Variants in ZNF385D observed in about 807,000 individuals in gnomAD.
ZNF385D encodes zinc finger protein 385D.
Under a neutral mutation model 35.8 loss-of-function variants are expected in ZNF385D, and 15 were observed. The observed-to-expected ratio is 0.42, with a 90% CI of 0.28 to 0.64. ZNF385D has a LOEUF of 0.64. Ranked by LOEUF, ZNF385D falls within the 30% of genes least tolerant of loss-of-function variation. ZNF385D has a pLI of 0.23. For synonymous variants in ZNF385D, 212 were observed against 186.8 expected (o/e 1.13, Z -1.10); for missense variants, 474 against 494.6 (o/e 0.96, Z 0.39).
At chr3:21,499,292 G>A (rs1039849538) in intron 4 of ZNF385D, among the ~76,000 whole-genome samples, 7 of 152,150 alleles carry the variant, frequency 4.6e-5, no homozygotes, top group Admixed American at 2.0e-4. Context: ...GGAATACTAT[G>A]TAAACATTAA....
At chr3:21,905,926 G>A (rs1049508398) in intron 3 of ZNF385D, among the ~76,000 whole-genome samples, 6 of 152,078 alleles carry the variant, frequency 3.9e-5, no homozygotes, top group Non-Finnish European at 7.4e-5. Context: ...AGATTAAAAA[G>A]ACTGAACCAT....
At chr3:21,494,365 TA>T (rs1705661930) in intron 4 of ZNF385D, among the ~76,000 whole-genome samples, 1 of 152,174 alleles carries the variant, frequency 6.6e-6, no homozygotes, top group Admixed American at 6.6e-5. Context: ...GAATAGTATT[TA>T]CACCAAAATC....
intron 3 of ZNF385D, among the ~76,000 whole-genome samples, chr3:21,959,585 T>A (rs1174896144): frequency 6.6e-6 from 1 of 152,162 alleles, no homozygotes; most frequent in Admixed American, 6.6e-5. Context: ...TGTACTCAGA[T>A]GTACTCAGAA....
chr3:21,860,100 G>T (rs1325197972), intron 3 of ZNF385D, among the ~76,000 whole-genome samples: 1 of 152,074 alleles, frequency 6.6e-6, no homozygotes, highest in Non-Finnish European at 1.5e-5. Context: ...AAATTAGGAT[G>T]AATGTTGAAA....
At chr3:21,961,100 TGAG>T (rs529874672) in intron 3 of ZNF385D, among the ~76,000 whole-genome samples, 14 of 152,168 alleles carry the variant, frequency 9.2e-5, no homozygotes, top group African/African-American at 2.4e-4. Flanking sequence ...AAATAATAAA[TGAG>T]GAGACACGTG....
In ZNF385D at chr3:21,741,494, G is replaced by C. The variant is rs139406823; in HGVS notation, c.22+9401C>G. On this transcript the variant is annotated intron_variant, in intron 1 of 7. Coordinates refer to ENST00000281523, the MANE Select transcript of ZNF385D (RefSeq NM_024697.3). ...GACTTCCTTATTGTGTGCTGCAAGG[G>C]AAACACTTCCCAGCAGTTACCATGG... Among the ~76,000 whole-genome samples the C allele has an allele frequency of 8.5e-4, 130 of 152,244 alleles. 3 individuals carry two copies. The highest frequency in any genetic ancestry group is 3.1e-3 in the African/African-American group (128 of 41,550).
intron 3 of ZNF385D, among the ~76,000 whole-genome samples, chr3:21,930,225 C>G (rs1700933100): frequency 6.7e-6 from 1 of 150,200 alleles, no homozygotes; most frequent in African/African-American, 2.4e-5. Context: ...GATGCTTGAA[C>G]TATAGGGTAT....
intron 3 of ZNF385D, among the ~76,000 whole-genome samples, chr3:22,087,604 G>C (rs1402012821): frequency 6.6e-6 from 1 of 152,112 alleles, no homozygotes; most frequent in Non-Finnish European, 1.5e-5. Context: ...CAACAGGATA[G>C]GAACCTGAAT....
chr3:22,187,789 G>A (rs9682433), intron 2 of ZNF385D, among the ~76,000 whole-genome samples: 78,055 of 151,954 alleles, frequency 0.51, 20,402 homozygotes, highest in Middle Eastern at 0.62. Context: ...GACAGCGATG[G>A]TAGCTGTCCA....
chr3:22,132,114 T>C lies in ZNF385D; in HGVS notation c.325+36703A>G, dbSNP rs139961157. Among the ~76,000 whole-genome samples the C allele has an allele frequency of 1.8e-3, 267 of 152,256 alleles. 1 individual carries two copies. The highest frequency in any genetic ancestry group is 6.2e-3 in the African/African-American group (259 of 41,564). ...AAGTGATTATAGTGGTGCTATGGTC[T>C]GAATATTAGTGTCCATGTCATATTC... On this transcript the variant is annotated intron_variant, in intron 3 of 5. Coordinates refer to the ZNF385D transcript ENST00000494108.
intron 2 of ZNF385D, among the ~76,000 whole-genome samples, chr3:22,298,544 T>G (rs1702731015): frequency 7.0e-6 from 1 of 142,006 alleles, no homozygotes; most frequent in African/African-American, 2.6e-5. Context: ...ATAAAACATT[T>G]ATGTATATAC....
At chr3:22,033,316 A>C (rs259447) in intron 3 of ZNF385D, among the ~76,000 whole-genome samples, 121,947 of 151,294 alleles carry the variant, frequency 0.81, 49,958 homozygotes, top group African/African-American at 0.95. Flanking sequence ...GCATGAGAAT[A>C]ACTTGAACCC....
chr3:21,809,655 TACATATATAC>T (rs920211781), intron 3 of ZNF385D, among the ~76,000 whole-genome samples: 1 of 103,590 alleles, frequency 9.7e-6, no homozygotes, highest in Non-Finnish European at 2.0e-5. Context: ...CATATACATA[TACATATATAC>T]ACATATATAC....
At chr3:21,861,992 T>A (rs1697078808) in intron 3 of ZNF385D, among the ~76,000 whole-genome samples, 1 of 152,098 alleles carries the variant, frequency 6.6e-6, no homozygotes, top group Admixed American at 6.6e-5. Flanking sequence ...AAGTGAGCCC[T>A]AACACTAACG....
intron 1 of ZNF385D, among the ~76,000 whole-genome samples, chr3:21,710,073 C>T (rs1384641298): frequency 2.6e-5 from 4 of 152,124 alleles, no homozygotes; most frequent in Non-Finnish European, 5.9e-5. Context: ...TTCAATTACA[C>T]GACCTTTTAG....
intron 3 of ZNF385D, among the ~76,000 whole-genome samples, chr3:21,960,358 G>A (rs1702520083): frequency 6.6e-6 from 1 of 151,994 alleles, no homozygotes; most frequent in South Asian, 2.1e-4. Flanking sequence ...CTAATCATCG[G>A]GGAAATACAA....
intron 2 of ZNF385D, among the ~76,000 whole-genome samples, chr3:21,567,654 C>T (rs891569402): frequency 9.9e-5 from 15 of 152,036 alleles, no homozygotes; most frequent in Non-Finnish European, 2.2e-4. Context: ...TGTGCACAAA[C>T]GGGATGTGTT....
At chr3:21,569,671 A>T (rs1246814290) in intron 2 of ZNF385D, among the ~76,000 whole-genome samples, 2 of 151,268 alleles carry the variant, frequency 1.3e-5, no homozygotes, top group African/African-American at 4.9e-5. Flanking sequence ...TGGTCTTTAC[A>T]TTTTGGCATG....
rs193011528 is a variant in ZNF385D at position 22,161,807 on chromosome 3, A to G, written c.325+7010T>C. 6.0e-4 allele frequency among the ~76,000 whole-genome samples: 92 copies of G among 152,306 alleles called. 1 individual carries two copies. Among genetic ancestry groups the G allele is most frequent in the South Asian group, 1.2e-3 (6 of 4,830 alleles). On this transcript the variant is annotated intron_variant, in intron 3 of 5. Transcript: ENST00000494108. ...GCTGTAATAATATAAGTGATTTAAGAATGACATAAACTCAATAACATAAGA... is the reference window on the plus strand; with the variant it reads ...GCTGTAATAATATAAGTGATTTAAGGATGACATAAACTCAATAACATAAGA...
Sources: allele counts gnomAD v4.1 joint callset (sites outside exome capture counted in the v4.1 genomes callset), GRCh38; gene constraint gnomAD v4.1.1; transcripts MANE v1.5; gene names NCBI Gene and HGNC (gene_info 2026-07-23, HGNC 2026-07-21).